Variants in MSANTD3 observed in about 807,000 individuals in gnomAD.
MSANTD3 encodes the protein Myb/SANT DNA binding domain containing 3, also known as myb/SANT-like DNA-binding domain-containing protein 3.
Under a neutral mutation model 27.7 loss-of-function variants are expected in MSANTD3, and 11 were observed. The ratio of observed to expected loss-of-function variants is 0.40; its 90% CI spans 0.25 to 0.66. MSANTD3 has a LOEUF of 0.66. MSANTD3 is among the 30% of genes least tolerant of loss of function. The probability of loss-of-function intolerance (pLI) is 0.41; values close to 1 mark genes in which losing one functional copy is unlikely to be tolerated. For synonymous variants in MSANTD3, 131 were observed against 127.2 expected (o/e 1.03, Z -0.20); for missense variants, 250 against 336.5 (o/e 0.74, Z 2.01).
Position 100,433,120 on chromosome 9 carries a change from G to A in MSANTD3, c.-34+5727G>A, listed in dbSNP as rs572470040. ...ATCTTGATGGTGAGGGGGTTCTGAAGTGGGAGAGGGGTTGGAAAGCAAATG... is the reference window on the plus strand; with the variant it reads ...ATCTTGATGGTGAGGGGGTTCTGAAATGGGAGAGGGGTTGGAAAGCAAATG... On this transcript the variant is annotated intron_variant, in intron 1 of 2. Transcript: ENST00000395067. Among the ~76,000 whole-genome samples, 25 of 152,306 alleles carry A rather than the reference G, an allele frequency of 1.6e-4. 1 individual carries two copies. In the South Asian group the frequency reaches 5.2e-3, roughly 32 times the overall value.
Position 100,451,124 on chromosome 9 carries a change from C to T in MSANTD3, c.*158C>T. The T allele has an allele frequency of 1.5e-6, 1 of 650,922 alleles. No individual in the cohort carries two copies. Among genetic ancestry groups the T allele is most frequent in the Non-Finnish European group, 2.5e-6 (1 of 397,680 alleles). The allele number at this position is 650,922 out of a possible 1,614,324, so 40.3% of individuals were successfully genotyped here. On this transcript the variant is annotated 3_prime_UTR_variant, in exon 3 of 3. Coordinates refer to ENST00000395067, the MANE Select transcript of MSANTD3 (RefSeq NM_080655.3). ...ATTCATTCAGGTAAACAGCTGCACCCTCTGTACCCCTTAAGTGGCAAAGAA... is the reference window on the plus strand; with the variant it reads ...ATTCATTCAGGTAAACAGCTGCACCTTCTGTACCCCTTAAGTGGCAAAGAA...
intron 1 of MSANTD3, among the ~76,000 whole-genome samples, chr9:100,434,721 T>G (rs552835844): frequency 6.6e-6 from 1 of 152,272 alleles, no homozygotes; most frequent in African/African-American, 2.4e-5. Context: ...CAAGTGAACC[T>G]CTTCCCTCTT....
Sources: gnomAD v4.1 joint callset for allele counts (sites outside exome capture counted in the v4.1 genomes callset) on GRCh38, gnomAD v4.1.1 for gene constraint, MANE v1.5 for transcripts, NCBI Gene and HGNC (gene_info 2026-07-23, HGNC 2026-07-21) for gene names.